DIS3L2: variants seen among roughly 807,000 people sequenced by gnomAD.
DIS3L2 encodes the protein DIS3 like 3'-5' exoribonuclease 2.
In DIS3L2, 34 loss-of-function variants were observed where a neutral mutation model predicts 97.5. The observed-to-expected ratio is 0.35, with a 90% CI of 0.27 to 0.46. The LOEUF (loss-of-function observed/expected upper bound fraction) is 0.46, where lower values mean the gene tolerates loss of function less well. Ranked by LOEUF, DIS3L2 falls within the 20% of genes least tolerant of loss-of-function variation. The probability of loss-of-function intolerance (pLI) is 1.00; values close to 1 mark genes in which losing one functional copy is unlikely to be tolerated. For synonymous variants in DIS3L2, 435 were observed against 445.2 expected, an observed-to-expected ratio of 0.98 and a Z score of 0.29; for missense variants, 1,038 against 1,146.0, an observed-to-expected ratio of 0.91 and a Z score of 1.36.
At chr2:232,076,239 C>T (rs1404169909) in intron 5 of DIS3L2, among the ~76,000 whole-genome samples, 1 of 152,146 alleles carries the variant, frequency 6.6e-6, no homozygotes, top group East Asian at 1.9e-4. Flanking sequence ...TATGTTCTTT[C>T]TCAGCTTAGA....
At chr2:232,275,235 T>C (rs898106731) in intron 13 of DIS3L2, among the ~76,000 whole-genome samples, 2 of 152,230 alleles carry the variant, frequency 1.3e-5, no homozygotes, top group Admixed American at 1.3e-4. Context: ...TCAGCTTTCA[T>C]TCGTTTTGTT....
chr2:231,982,479 G>A (rs887594202), intron 1 of DIS3L2, among the ~76,000 whole-genome samples: 1 of 152,100 alleles, frequency 6.6e-6, no homozygotes, highest in South Asian at 2.1e-4. Context: ...TCTTTTTATG[G>A]TTTTGTGTTT....
chr2:232,202,522 C>G (rs1691922797), intron 9 of DIS3L2, among the ~76,000 whole-genome samples: 1 of 152,224 alleles, frequency 6.6e-6, no homozygotes, highest in African/African-American at 2.4e-5. Context: ...AGTTTCATCA[C>G]TATCCTTTAA....
chr2:232,252,863 G>A (rs541504053), intron 12 of DIS3L2, among the ~76,000 whole-genome samples: 7 of 152,240 alleles, frequency 4.6e-5, no homozygotes, highest in African/African-American at 9.6e-5. Flanking sequence ...ATCACGCCAC[G>A]CAATCCCAGC....
chr2:232,213,662 T>TTTTG (rs1491125198), intron 10 of DIS3L2, among the ~76,000 whole-genome samples: 1 of 34,486 alleles, frequency 2.9e-5, no homozygotes, highest in Non-Finnish European at 5.3e-5. Context: ...TCATCTGTAG[T>TTTTG]TTTTTTTTTT....
Position 232,197,912 on chromosome 2 carries a change from C to T in DIS3L2, c.1125-12414C>T, listed in dbSNP as rs192455252. Reference sequence around the variant, plus strand: ...GAGGGGAGGCGGAGGTTGCAGTGAGCGGAGACCGCACCACTGCACTCCAGC... The same window carrying T: ...GAGGGGAGGCGGAGGTTGCAGTGAGTGGAGACCGCACCACTGCACTCCAGC... On this transcript the variant is annotated intron_variant, in intron 9 of 20. Transcript: ENST00000325385. Among the ~76,000 whole-genome samples, 242 of 150,904 alleles carry T rather than the reference C, an allele frequency of 1.6e-3. 1 individual carries two copies. The highest frequency in any genetic ancestry group is 5.6e-3 in the African/African-American group (228 of 40,994).
chr2:232,141,310 G>A (rs932586976), intron 8 of DIS3L2, among the ~76,000 whole-genome samples: 1 of 152,142 alleles, frequency 6.6e-6, no homozygotes, highest in Non-Finnish European at 1.5e-5. Flanking sequence ...TTAAGGGTAA[G>A]TCTTGAATAA....
intron 9 of DIS3L2, among the ~76,000 whole-genome samples, chr2:232,182,867 A>G (rs572059842): frequency 6.6e-6 from 1 of 152,232 alleles, no homozygotes; most frequent in South Asian, 2.1e-4. Context: ...GCCTCCCTTC[A>G]TTTCCAAGGT....
At chr2:232,229,607 G>A (rs1046042087) in intron 10 of DIS3L2, among the ~76,000 whole-genome samples, 29 of 152,226 alleles carry the variant, frequency 1.9e-4, no homozygotes, top group African/African-American at 6.8e-4. Context: ...CATTGCTCAA[G>A]TCATTTGGAA....
intron 13 of DIS3L2, among the ~76,000 whole-genome samples, chr2:232,274,859 A>G (rs575641716): frequency 2.0e-5 from 3 of 152,372 alleles, no homozygotes; most frequent in African/African-American, 2.4e-5. Context: ...CACAATATGG[A>G]GCAGTCTTTT....
intron 1 of DIS3L2, among the ~76,000 whole-genome samples, chr2:232,011,087 C>A (rs1173993034): frequency 6.6e-6 from 1 of 152,212 alleles, no homozygotes; most frequent in Non-Finnish European, 1.5e-5. Context: ...TACCATGTGA[C>A]ATTATTGACC....
intron 5 of DIS3L2, among the ~76,000 whole-genome samples, chr2:232,064,302 G>A (rs1441707318): frequency 6.6e-6 from 1 of 152,094 alleles, no homozygotes; most frequent in Admixed American, 6.6e-5. Context: ...TTTCCAGAAT[G>A]TCATATAAAT....
chr2:232,289,398 G>A (rs1263972517), intron 13 of DIS3L2, among the ~76,000 whole-genome samples: 3 of 151,824 alleles, frequency 2.0e-5, no homozygotes, highest in Admixed American at 6.6e-5. Context: ...TCAGCCTCCC[G>A]AGTAGCTGGG....
chr2:232,163,575 C>T lies in DIS3L2; in HGVS notation c.1067C>T (p.Pro356Leu), dbSNP rs1690718818. The T allele has an allele frequency of 6.2e-7, 1 of 1,614,082 alleles. No individual in the cohort carries two copies. The highest frequency in any genetic ancestry group is 8.5e-7 in the Non-Finnish European group (1 of 1,180,006). Residue 356 changes from proline to leucine, a missense_variant, in exon 9 of 21, where the codon CCT becomes CTT. Pro to Leu is a moderately conservative substitution (Grantham distance 98). Coordinates refer to ENST00000325385, the MANE Select transcript of DIS3L2 (RefSeq NM_152383.5). ...DFSSEVLECL[P>L]QGLPWTIPPE... ...TCTTCAGAAGTTCTAGAATGTCTTC[C>T]TCAAGGCCTGCCATGGACAATTCCA...
intron 1 of DIS3L2, among the ~76,000 whole-genome samples, chr2:231,967,526 ACT>A (rs1157713443): frequency 6.6e-6 from 1 of 152,042 alleles, no homozygotes; most frequent in South Asian, 2.1e-4. Flanking sequence ...TGAATGCAAA[ACT>A]CTAGCAACAG....
downstream of DIS3L2, among the ~76,000 whole-genome samples, chr2:232,337,698 T>C (rs561860698): frequency 3.3e-3 from 502 of 151,864 alleles, no homozygotes; most frequent in African/African-American, 0.011. Flanking sequence ...TCTGTTCCCC[T>C]GCACCATTTC....
chr2:232,316,410 G>T (rs1271486464), intron 14 of DIS3L2, among the ~76,000 whole-genome samples: 1 of 151,916 alleles, frequency 6.6e-6, no homozygotes, highest in Admixed American at 6.6e-5. Flanking sequence ...TTTTGCTGGG[G>T]CCCTGCCCTG....
intron 9 of DIS3L2, among the ~76,000 whole-genome samples, chr2:232,176,523 G>A (rs1395449362): frequency 6.7e-6 from 1 of 149,654 alleles, no homozygotes; most frequent in Admixed American, 6.7e-5. Context: ...CTTAGGTTTA[G>A]TTTGTTCTTC....
intron 1 of DIS3L2, among the ~76,000 whole-genome samples, chr2:231,982,742 A>G (rs1693297368): frequency 6.6e-6 from 1 of 151,708 alleles, no homozygotes. Flanking sequence ...TGTAGTGGCA[A>G]TATCACATCT....
Sources: gnomAD v4.1 joint callset for allele counts (sites outside exome capture counted in the v4.1 genomes callset) on GRCh38, gnomAD v4.1.1 for gene constraint, MANE v1.5 for transcripts, NCBI Gene and HGNC (gene_info 2026-07-23, HGNC 2026-07-21) for gene names.